RBM47: variants seen among roughly 807,000 people sequenced by gnomAD.
RBM47 encodes RNA binding motif protein 47.
In RBM47, 21 loss-of-function variants were observed where a neutral mutation model predicts 47.1. That is an observed-to-expected ratio of 0.45 (90% CI 0.32 to 0.64). The LOEUF (loss-of-function observed/expected upper bound fraction) is 0.64, where lower values mean the gene tolerates loss of function less well. Ranked by LOEUF, RBM47 falls within the 30% of genes least tolerant of loss-of-function variation. The probability of loss-of-function intolerance (pLI) is 0.05; values close to 1 mark genes in which losing one functional copy is unlikely to be tolerated. For missense variants in RBM47, 708 were observed against 870.9 expected (o/e 0.81, Z 2.35); for synonymous variants, 375 against 361.7 (o/e 1.04, Z -0.42).
chr4:40,430,817 C>T (rs757732223), intron 6 of RBM47, among the ~76,000 whole-genome samples: 30 of 152,104 alleles, frequency 2.0e-4, no homozygotes, highest in African/African-American at 5.1e-4. Flanking sequence ...ATGTAGGCAA[C>T]GGCTCATGCC....
intron 1 of RBM47, among the ~76,000 whole-genome samples, chr4:40,616,931 A>AGT (rs1480796345): frequency 3.2e-4 from 42 of 132,886 alleles, no homozygotes; most frequent in Admixed American, 1.2e-3. Flanking sequence ...GCTGGAGTGC[A>AGT]GTGGCGCGAT....
chr4:40,449,703 G>C (rs1264804411), intron 3 of RBM47, among the ~76,000 whole-genome samples: 1 of 152,104 alleles, frequency 6.6e-6, no homozygotes, highest in Admixed American at 6.6e-5. Context: ...TATTTAGACG[G>C]AATCTCATTC....
chr4:40,426,186 T>C, intron 6 of RBM47, 43 bp from the exon 7 acceptor site: 1 of 1,591,302 alleles, frequency 6.3e-7, no homozygotes, highest in Non-Finnish European at 8.6e-7. Context: ...AACACGTGTA[T>C]GTACCTATCA....
Position 40,592,958 on chromosome 4 carries a change from TATATATATATATATATATATA to T in RBM47, c.-240+36417_-240+36437del, listed in dbSNP as rs370865882. Among the ~76,000 whole-genome samples the T allele has an allele frequency of 9.8e-3, 156 of 15,962 alleles. 4 individuals are homozygous for T. The highest frequency in any genetic ancestry group is 0.022 in the African/African-American group (93 of 4,304). The allele number at this position is 15,962 out of a possible 152,430, so 10.5% of individuals were successfully genotyped here. A position where few individuals can be genotyped will look rare whatever the true frequency, so the allele number is the denominator to read the frequency against. On this transcript the variant is annotated intron_variant, in intron 1 of 6. Coordinates refer to ENST00000295971, the MANE Select transcript of RBM47 (RefSeq NM_001098634.2). Reference sequence around the variant, plus strand: ...GGACATATATATATATATATATATATATATATATATATATATATATATTTTTTTTTTTTTTTTTTTTTTTTT... The same window carrying T: ...GGACATATATATATATATATATATATTTTTTTTTTTTTTTTTTTTTTTTTT...
chr4:40,432,278 G>C (rs1445594488), intron 6 of RBM47, among the ~76,000 whole-genome samples: 1 of 151,124 alleles, frequency 6.6e-6, no homozygotes, highest in African/African-American at 2.4e-5. Context: ...TCTTCATTGA[G>C]CTGCAGTTTG....
chr4:40,541,761 A>G (rs1469300102), intron 2 of RBM47, among the ~76,000 whole-genome samples: 1 of 152,188 alleles, frequency 6.6e-6, no homozygotes, highest in Non-Finnish European at 1.5e-5. Context: ...AAAAAGAAAA[A>G]GAAAATGTCA....
intron 1 of RBM47, among the ~76,000 whole-genome samples, chr4:40,558,700 C>T (rs909675808): frequency 1.3e-5 from 2 of 151,542 alleles, no homozygotes; most frequent in Admixed American, 1.3e-4. Context: ...TGGTGGTGGA[C>T]ACCTGTAGTT....
intron 2 of RBM47, among the ~76,000 whole-genome samples, chr4:40,467,704 A>G (rs745938697): frequency 3.3e-5 from 5 of 152,242 alleles, no homozygotes; most frequent in Admixed American, 6.5e-5. Context: ...TCACATGAAA[A>G]GAATTTAAAG....
rs1170115717 is a variant in RBM47 at position 40,438,213 on chromosome 4, G to A, written c.681C>T (p.Ala227=). ...GRIQLWGHQI[A]VDWAEPEIDV... is the part of the protein sequence containing the mutation. Reference sequence around the variant, plus strand: ...CGATCTCAGGTTCGGCCCAGTCCACGGCGATCTGGTGGCCCCACAGCTGGA... The same window carrying A: ...CGATCTCAGGTTCGGCCCAGTCCACAGCGATCTGGTGGCCCCACAGCTGGA... Residue 227 remains alanine, a synonymous_variant, in exon 4 of 7, where the codon GCC becomes GCT. Coordinates refer to ENST00000295971, the MANE Select transcript of RBM47 (RefSeq NM_001098634.2). 2 of 1,606,158 alleles carry A rather than the reference G, an allele frequency of 1.2e-6. No individual in the cohort carries two copies. Among genetic ancestry groups the A allele is most frequent in the Non-Finnish European group, 1.7e-6 (2 of 1,179,948 alleles).
Position 40,624,476 on chromosome 4 carries a change from G to A in RBM47, c.-240+4920C>T, listed in dbSNP as rs9291235. On this transcript the variant is annotated intron_variant, in intron 1 of 6. Transcript: ENST00000295971. ...GAGCTCTCCTCCATGCCAGCATGCT[G>A]CAGCCTTTTATAATCTAACTAAATT... Among the ~76,000 whole-genome samples, 791 of 152,250 alleles carry A rather than the reference G, an allele frequency of 5.2e-3. 7 individuals carry two copies. Among genetic ancestry groups the A allele is most frequent in the African/African-American group, 0.018 (750 of 41,540 alleles).
At chr4:40,496,577 A>G (rs1467553070) in intron 2 of RBM47, among the ~76,000 whole-genome samples, 1 of 152,128 alleles carries the variant, frequency 6.6e-6, no homozygotes, top group Non-Finnish European at 1.5e-5. Context: ...TACCAACCAA[A>G]ATGGCTACCT....
Position 40,437,817 on chromosome 4 carries a change from G to A in RBM47, c.1077C>T (p.Tyr359=), listed in dbSNP as rs765461374. 6.2e-7 allele frequency: 1 copy of A among 1,611,782 alleles called. No individual in the cohort carries two copies. The highest frequency in any genetic ancestry group is 8.5e-7 in the Non-Finnish European group (1 of 1,178,338). Residue 359 remains tyrosine, a synonymous_variant, in exon 4 of 7, where the codon TAC becomes TAT. Transcript: ENST00000295971. The part of the protein sequence containing the change: ...CDPYTLAYYG[Y]PYNALIGPNR... ...TGGGCCCAATGAGCGCGTTGTAGGGGTAGCCGTAGTAGGCCAGTGTGTAGG... is the reference window on the plus strand; with the variant it reads ...TGGGCCCAATGAGCGCGTTGTAGGGATAGCCGTAGTAGGCCAGTGTGTAGG...
At chr4:40,521,275 AC>A (rs1229912409) in intron 2 of RBM47, among the ~76,000 whole-genome samples, 15 of 152,146 alleles carry the variant, frequency 9.9e-5, no homozygotes, top group Non-Finnish European at 1.5e-4. Flanking sequence ...ATCTAGGCTC[AC>A]TGAAACCTCC....
intron 1 of RBM47, among the ~76,000 whole-genome samples, chr4:40,556,037 CTT>C (rs112819173): frequency 0.13 from 17,794 of 139,262 alleles, 2,038 homozygotes; most frequent in African/African-American, 0.32. Flanking sequence ...AAAAGATCTT[CTT>C]TTTTTTTTTT....
At chr4:40,470,966 C>G (rs554162171) in intron 2 of RBM47, among the ~76,000 whole-genome samples, 2 of 152,122 alleles carry the variant, frequency 1.3e-5, no homozygotes, top group Admixed American at 6.5e-5. Context: ...TGGTCCTGAA[C>G]GCCTGACCTC....
chr4:40,432,714 T>TGCG lies in RBM47; in HGVS notation c.1476_1478dup (p.Ala502dup), dbSNP rs1560350360. ...CGGCTGCGGCGGCTGCGGCCGCGGC[T>TGCG]GCGGCGGCAGCAGCACTGGCTGGGT... On this transcript the variant is annotated inframe_insertion, in exon 6 of 7. Transcript: ENST00000295971. 1 of 1,609,714 alleles carries TGCG rather than the reference T, an allele frequency of 6.2e-7. No individual in the cohort carries two copies. The highest frequency in any genetic ancestry group is 2.2e-5 in the East Asian group (1 of 44,836).
chr4:40,552,956 A>C (rs1198377183), intron 1 of RBM47, among the ~76,000 whole-genome samples: 3 of 146,790 alleles, frequency 2.0e-5, no homozygotes, highest in Admixed American at 2.0e-4. Context: ...CTTCTCTGAC[A>C]ACTTTCTTTT....
At chr4:40,489,469 A>G (rs1002372096) in intron 2 of RBM47, among the ~76,000 whole-genome samples, 1 of 152,154 alleles carries the variant, frequency 6.6e-6, no homozygotes, top group African/African-American at 2.4e-5. Context: ...AACTTACTAA[A>G]CTCAGGGATA....
chr4:40,426,941 G>T (rs901232151), intron 6 of RBM47: 1 of 152,076 alleles, frequency 6.6e-6, no homozygotes, highest in South Asian at 2.1e-4. Context: ...CCACACAATT[G>T]ATTTCACAGT....
Sources: allele counts gnomAD v4.1 joint callset (sites outside exome capture counted in the v4.1 genomes callset), GRCh38; gene constraint gnomAD v4.1.1; transcripts MANE v1.5; gene names NCBI Gene and HGNC (gene_info 2026-07-23, HGNC 2026-07-21).